The following PPP2R3B variants were observed in gnomAD, a reference collection of about 807,000 sequenced individuals.
PPP2R3B encodes protein phosphatase 2 regulatory subunit B''beta, also known as serine/threonine-protein phosphatase 2A regulatory subunit B'' subunit beta.
PPP2R3B carries 68 observed loss-of-function variants against 72.9 expected under a neutral mutation model. The observed-to-expected ratio is 0.93, with a 90% CI of 0.77 to 1.14. PPP2R3B has a LOEUF of 1.14. Ranked by LOEUF, PPP2R3B falls within the 50% of genes most tolerant of loss-of-function variation. The pLI is 0.00. For synonymous variants in PPP2R3B, 466 were observed against 375.8 expected (o/e 1.24, Z -2.78); for missense variants, 1,018 against 842.0 (o/e 1.21, Z -2.59).
At chrX:373,168 G>T (rs113317684) in intron 1 of PPP2R3B, among the ~76,000 whole-genome samples, 33,247 of 152,040 alleles carry the variant, frequency 0.22, 4,141 homozygotes, top group Non-Finnish European at 0.28. Context: ...TTAAAAATCT[G>T]TCTGCAGCGA....
intron 1 of PPP2R3B, among the ~76,000 whole-genome samples, chrX:385,830 C>A (rs1358014780): frequency 2.0e-5 from 3 of 151,926 alleles, no homozygotes; most frequent in African/African-American, 4.8e-5. Context: ...TCTGAAATCC[C>A]AGCACTTTGG....
rs1355852030 is a variant in PPP2R3B at position 386,633 on chromosome X, AG to A, written c.58del (p.Leu20CysfsTer89). The A allele has an allele frequency of 1.4e-6, 2 of 1,434,160 alleles. No individual in the cohort carries two copies. The highest frequency in any genetic ancestry group is 1.4e-5 in the South Asian group (1 of 70,314). 88.8% of individuals were successfully genotyped at this position (1,434,160 alleles called of 1,614,324 possible). ...VLKMKVDELFLYWLSEASTQR... is the reference protein window; with the variant it reads ...VLKMKVDELFXYWLSEASTQR... Reference sequence around the variant, plus strand: ...CGTGCTGGCCTCGCTGAGCCAGTACAGGAACAGCTCGTCCACCTTCATCTTC... The same window carrying A: ...CGTGCTGGCCTCGCTGAGCCAGTACAGAACAGCTCGTCCACCTTCATCTTC... On this transcript the variant is annotated frameshift_variant, in exon 1 of 13. Coordinates refer to ENST00000390665, the MANE Select transcript of PPP2R3B (RefSeq NM_013239.5). LOFTEE classifies it high-confidence loss of function.
intron 12 of PPP2R3B, chrX:337,140 GC>G (rs1178267361): frequency 6.6e-6 from 1 of 152,068 alleles, no homozygotes; most frequent in Admixed American, 6.6e-5. Context: ...GAGTGTGGTG[GC>G]GCGATCTCGG....
In PPP2R3B at chrX:346,404, G is replaced by A. The variant is rs1308249012; in HGVS notation, c.793-144C>T. The A allele has an allele frequency of 1.4e-5, 11 of 803,070 alleles. No individual in the cohort carries two copies. The East Asian group carries it at 3.1e-4, about 23-fold the overall frequency. 49.7% of individuals were successfully genotyped at this position (803,070 alleles called of 1,614,324 possible). On this transcript the variant is annotated intron_variant, in intron 5 of 12. Transcript: ENST00000390665. ...GGCACAGGCGGGGGCAGAGGGAAGGGCCCTGCGGGAGGCGCCGCCCCAGGC... is the reference window on the plus strand; with the variant it reads ...GGCACAGGCGGGGGCAGAGGGAAGGACCCTGCGGGAGGCGCCGCCCCAGGC...
At chrX:359,736 CAAG>C (rs1264710787) in intron 2 of PPP2R3B, 7 of 417,252 alleles carry the variant, frequency 1.7e-5, no homozygotes, top group African/African-American at 6.5e-5. Context: ...CTAAGAAATG[CAAG>C]AAGTATGTAT....
chrX:354,536 G>C (rs1270616226), intron 2 of PPP2R3B, among the ~76,000 whole-genome samples: 1 of 152,190 alleles, frequency 6.6e-6, no homozygotes, highest in Admixed American at 6.5e-5. Flanking sequence ...AAACTTCAAG[G>C]CACTTTTATA....
intron 10 of PPP2R3B, among the ~76,000 whole-genome samples, chrX:339,372 C>T (rs1446276964): frequency 1.6e-5 from 1 of 61,918 alleles, no homozygotes; most frequent in Non-Finnish European, 3.0e-5. Context: ...AGCCAGGCGG[C>T]GTGGACGGTG....
At position 361,444 on chromosome X, in the gene PPP2R3B, G is replaced by C; in HGVS notation, c.471C>G (p.His157Gln). Residue 157 changes from histidine to glutamine, a missense_variant, in exon 2 of 13, where the codon CAC (histidine) becomes CAG (glutamine). By Grantham distance (24) the His-to-Gln change is conservative. Transcript: ENST00000390665. ...CCATGTCATCCATGGTGGCCCTCTC[G>C]TGGGGGAACCGGGCGAAGGTGCTCT... Reference protein sequence around the residue: ...KIESTFARFPHERATMDDMGL... With the variant: ...KIESTFARFPQERATMDDMGL... The C allele has an allele frequency of 6.2e-7, 1 of 1,613,958 alleles. No homozygotes were observed. Among genetic ancestry groups the C allele is most frequent in the Non-Finnish European group, 8.5e-7 (1 of 1,179,834 alleles).
At chrX:368,906 G>A (rs1445267272) in intron 1 of PPP2R3B, among the ~76,000 whole-genome samples, 2 of 152,056 alleles carry the variant, frequency 1.3e-5, no homozygotes, top group Non-Finnish European at 2.9e-5. Flanking sequence ...GGGAAAGCCG[G>A]GACCACCCAC....
intron 1 of PPP2R3B, chrX:362,377 A>G (rs192928944): frequency 6.6e-6 from 1 of 152,198 alleles, no homozygotes; most frequent in Non-Finnish European, 1.5e-5. Flanking sequence ...GTCCTCCTCC[A>G]TCAACTGCCC....
chrX:363,801 C>T (rs1316213203), intron 1 of PPP2R3B, among the ~76,000 whole-genome samples: 26 of 152,156 alleles, frequency 1.7e-4, no homozygotes, highest in Non-Finnish European at 1.3e-4. Flanking sequence ...TCCTTCATCA[C>T]GCTGGGTTCA....
intron 9 of PPP2R3B, 46 bp from the exon 10 acceptor site, chrX:340,986 G>C (rs1258194015): frequency 1.9e-6 from 3 of 1,588,304 alleles, no homozygotes; most frequent in Middle Eastern, 4.4e-4. Flanking sequence ...GGCCCTCCCA[G>C]CCCGTGACCT....
At chrX:352,729 C>T (rs1013156145) in intron 2 of PPP2R3B, among the ~76,000 whole-genome samples, 2 of 151,884 alleles carry the variant, frequency 1.3e-5, no homozygotes, top group African/African-American at 4.8e-5. Flanking sequence ...GGCACGCCGA[C>T]ACCAACCGAC....
At chrX:336,747 AC>A (rs2070899106) in intron 12 of PPP2R3B, 1 of 152,248 alleles carries the variant, frequency 6.6e-6, no homozygotes, top group Admixed American at 6.5e-5. Flanking sequence ...GGAAACGGGA[AC>A]CTTAAAAGCA....
chrX:341,025 G>C, intron 9 of PPP2R3B, 85 bp from the exon 10 acceptor site: 2 of 1,526,170 alleles, frequency 1.3e-6, no homozygotes, highest in Non-Finnish European at 1.8e-6. Flanking sequence ...CCCACCGGGG[G>C]TGCACGCGTC....
At chrX:385,612 C>T (rs545355237) in intron 1 of PPP2R3B, among the ~76,000 whole-genome samples, 160 of 151,790 alleles carry the variant, frequency 1.1e-3, no homozygotes, top group Non-Finnish European at 2.0e-3. Context: ...AGCAAGACCT[C>T]GTCTCTGCAA....
intron 1 of PPP2R3B, among the ~76,000 whole-genome samples, chrX:374,303 C>G (rs2071942478): frequency 6.6e-6 from 1 of 152,186 alleles, no homozygotes; most frequent in Admixed American, 6.5e-5. Flanking sequence ...GCACAGGGCA[C>G]GCCAGGTGCA....
intron 2 of PPP2R3B, among the ~76,000 whole-genome samples, chrX:352,315 C>T (rs902888076): frequency 3.9e-5 from 6 of 152,248 alleles, no homozygotes; most frequent in Non-Finnish European, 5.9e-5. Flanking sequence ...CACGCCCACC[C>T]GCACGGCCAG....
In PPP2R3B at chrX:345,578, T is replaced by A. The variant is rs768592077; in HGVS notation, c.974A>T (p.Glu325Val). The A allele has an allele frequency of 1.9e-6, 3 of 1,613,118 alleles. No homozygotes were observed. The highest frequency in any genetic ancestry group is 3.3e-5 in the Admixed American group (2 of 59,988). Residue 325 changes from glutamate (E) to valine (V), a missense_variant, in exon 7 of 13, where the codon GAG becomes GTG. Transcript: ENST00000390665. ...HFYVIYCKFW[E>V]LDTDHDLLID... ...GAGCAGGTCGTGGTCCGTGTCCAGC[T>A]CCCAGAACTTGCAGTAGATGACGTA...
Sources: gnomAD v4.1 joint callset for allele counts (sites outside exome capture counted in the v4.1 genomes callset) on GRCh38, gnomAD v4.1.1 for gene constraint, MANE v1.5 for transcripts, NCBI Gene and HGNC (gene_info 2026-07-23, HGNC 2026-07-21) for gene names.